Variants in AOPEP observed in about 807,000 individuals in gnomAD.
AOPEP encodes aminopeptidase O.
Under a neutral mutation model 98.1 loss-of-function variants are expected in AOPEP, and 77 were observed. The observed-to-expected ratio is 0.78, with a 90% CI of 0.65 to 0.95. The LOEUF is 0.95. AOPEP is among the 40% of genes least tolerant of loss of function. The pLI, the probability that AOPEP is intolerant of heterozygous loss-of-function variation, is 0.00. For missense variants in AOPEP, 1,024 were observed against 1,024.7 expected (o/e 1.00, Z 0.01); for synonymous variants, 346 against 365.3 (o/e 0.95, Z 0.60).
At chr9:94,952,070 C>G (rs72750337) in intron 7 of AOPEP, among the ~76,000 whole-genome samples, 2 of 152,110 alleles carry the variant, frequency 1.3e-5, no homozygotes, top group African/African-American at 4.8e-5. Flanking sequence ...GGGAGTAGAC[C>G]GACCAGTTGG....
At chr9:95,034,481 T>C (rs2064600522) in intron 13 of AOPEP, among the ~76,000 whole-genome samples, 2 of 152,220 alleles carry the variant, frequency 1.3e-5, no homozygotes, top group Non-Finnish European at 2.9e-5. Flanking sequence ...ACTATGCTTG[T>C]TATAATTTGA....
At chr9:94,893,261 A>G (rs567960903) in intron 5 of AOPEP, among the ~76,000 whole-genome samples, 1 of 152,314 alleles carries the variant, frequency 6.6e-6, no homozygotes, top group African/African-American at 2.4e-5. Context: ...AGAAGGGAAC[A>G]TAAGACACTC....
At chr9:95,026,717 G>A (rs79137469) in intron 13 of AOPEP, among the ~76,000 whole-genome samples, 1,714 of 152,312 alleles carry the variant, frequency 0.011, 37 homozygotes, top group African/African-American at 0.039. Context: ...AGTCACGTAA[G>A]TTGAGTAAAT....
the AOPEP span, among the ~76,000 whole-genome samples, chr9:95,113,428 A>C: frequency 2.0e-5 from 3 of 152,290 alleles, no homozygotes; most frequent in East Asian, 5.8e-4. Flanking sequence ...TGATACAAGG[A>C]ATTTAGCAAG....
intron 11 of AOPEP, among the ~76,000 whole-genome samples, chr9:94,990,551 C>T (rs560471856): frequency 4.9e-4 from 74 of 152,242 alleles, no homozygotes; most frequent in African/African-American, 1.6e-3. Context: ...CCCCCATTTT[C>T]TCTTTTATTA....
At chr9:95,030,910 T>A (rs2064242541) in intron 13 of AOPEP, among the ~76,000 whole-genome samples, 1 of 152,268 alleles carries the variant, frequency 6.6e-6, no homozygotes, top group African/African-American at 2.4e-5. Context: ...TACACAGCTG[T>A]CTCCTGCTTT....
chr9:94,962,078 T>C (rs959408547), intron 9 of AOPEP, among the ~76,000 whole-genome samples: 6 of 152,170 alleles, frequency 3.9e-5, no homozygotes, highest in African/African-American at 1.4e-4. Context: ...GTTGGGAAAA[T>C]GTGGCTGTGC....
chr9:94,928,566 C>T (rs975798583), intron 7 of AOPEP, 35 bp downstream of exon 7: 9 of 1,426,178 alleles, frequency 6.3e-6, no homozygotes, highest in Admixed American at 6.0e-5. Flanking sequence ...CCCTCTCATT[C>T]CCCTCCTTCT....
chr9:94,863,215 C>T (rs990281357), intron 5 of AOPEP, among the ~76,000 whole-genome samples: 1 of 151,732 alleles, frequency 6.6e-6, no homozygotes, highest in African/African-American at 2.4e-5. Flanking sequence ...TCTTTCTCTC[C>T]TCTCCCCTCT....
At chr9:95,148,612 C>T in the AOPEP span, among the ~76,000 whole-genome samples, 39 of 152,250 alleles carry the variant, frequency 2.6e-4, no homozygotes, top group African/African-American at 9.1e-4. Flanking sequence ...GCAGTAATGA[C>T]TATAGGTTTT....
At chr9:95,032,796 C>G (rs555212329) in intron 13 of AOPEP, among the ~76,000 whole-genome samples, 74 of 152,146 alleles carry the variant, frequency 4.9e-4, no homozygotes, top group Non-Finnish European at 9.9e-4. Flanking sequence ...CACCTCTGTG[C>G]TTTTATTTTA....
chr9:95,145,220 C>T, the AOPEP span: 3 of 152,190 alleles, frequency 2.0e-5, no homozygotes, highest in South Asian at 2.1e-4. Flanking sequence ...GTTTTCCAAA[C>T]GCAACAAACA....
intron 13 of AOPEP, among the ~76,000 whole-genome samples, chr9:95,007,619 G>A (rs975333695): frequency 6.6e-6 from 1 of 152,194 alleles, no homozygotes; most frequent in Non-Finnish European, 1.5e-5. Flanking sequence ...AGGTTTGAGG[G>A]TGGAGGTGAG....
At chr9:94,758,354 T>C (rs965687113) in intron 1 of AOPEP, among the ~76,000 whole-genome samples, 1 of 152,188 alleles carries the variant, frequency 6.6e-6, no homozygotes, top group African/African-American at 2.4e-5. Context: ...AACTGGATTG[T>C]ACAAGGCTGC....
At chr9:94,915,017 T>C (rs1443903986) in intron 5 of AOPEP, among the ~76,000 whole-genome samples, 1 of 152,214 alleles carries the variant, frequency 6.6e-6, no homozygotes, top group Non-Finnish European at 1.5e-5. Flanking sequence ...TCCCGGTGCT[T>C]CTGATACCCG....
At chr9:94,893,945 T>C (rs1025582976) in intron 5 of AOPEP, among the ~76,000 whole-genome samples, 24 of 152,192 alleles carry the variant, frequency 1.6e-4, no homozygotes, top group Admixed American at 7.9e-4. Context: ...AATAAGACTA[T>C]CTTTGGTCAC....
chr9:94,808,544 C>T (rs1343950584), intron 5 of AOPEP, among the ~76,000 whole-genome samples: 1 of 152,198 alleles, frequency 6.6e-6, no homozygotes, highest in Non-Finnish European at 1.5e-5. Flanking sequence ...GTTAACTAAC[C>T]ATGCTATTTA....
intron 3 of AOPEP, among the ~76,000 whole-genome samples, chr9:94,776,623 A>G (rs931087121): frequency 6.6e-6 from 1 of 152,188 alleles, no homozygotes; most frequent in Non-Finnish European, 1.5e-5. Flanking sequence ...TGTTATGGCT[A>G]TGAGTATCCT....
At chr9:94,835,608 T>C (rs7019148) in intron 5 of AOPEP, among the ~76,000 whole-genome samples, 10,725 of 152,282 alleles carry the variant, frequency 0.07, 1,096 homozygotes, top group African/African-American at 0.23. Flanking sequence ...TTCTGAGAAA[T>C]GCATTGAGAC....
Sources: gnomAD v4.1 joint callset for allele counts (sites outside exome capture counted in the v4.1 genomes callset) on GRCh38, gnomAD v4.1.1 for gene constraint, MANE v1.5 for transcripts, NCBI Gene and HGNC (gene_info 2026-07-23, HGNC 2026-07-21) for gene names.